RNF220: variants seen among roughly 807,000 people sequenced by gnomAD.
RNF220 encodes ring finger protein 220, also known as E3 ubiquitin-protein ligase RNF220.
Under a neutral mutation model 67.1 loss-of-function variants are expected in RNF220, and 7 were observed. The observed-to-expected ratio is 0.10, with a 90% CI of 0.06 to 0.20. The LOEUF is 0.20. Ranked by LOEUF, RNF220 falls within the 10% of genes least tolerant of loss-of-function variation. The pLI is 1.00. For missense variants in RNF220, 565 were observed against 740.3 expected (o/e 0.76, Z 2.75); for synonymous variants, 270 against 283.2 (o/e 0.95, Z 0.47).
chr1:44,605,083 G>A (rs270739), intron 2 of RNF220, among the ~76,000 whole-genome samples: 125 of 152,188 alleles, frequency 8.2e-4, no homozygotes, highest in East Asian at 3.1e-3. Flanking sequence ...GGTGGATCAC[G>A]AGGTCAGGAG....
chr1:44,485,231 C>T (rs776670546), intron 2 of RNF220, among the ~76,000 whole-genome samples: 1 of 152,196 alleles, frequency 6.6e-6, no homozygotes, highest in Non-Finnish European at 1.5e-5. Flanking sequence ...TGAAGAGATG[C>T]AAACAGCATT....
rs1021523277 is a variant in RNF220 at position 44,624,100 on chromosome 1, T to G, written c.804+1313T>G. Among the ~76,000 whole-genome samples the G allele has an allele frequency of 6.6e-6, 1 of 152,226 alleles. No individual in the cohort carries two copies. The highest frequency in any genetic ancestry group is 1.5e-5 in the Non-Finnish European group (1 of 68,038). ...AGAGGAGGAGCAGAGCACCTAGCCC[T>G]GCCTTGGGTGGGTATAGGCCTTGGC... On this transcript the variant is annotated intron_variant, in intron 4 of 14. Transcript: ENST00000361799. This position sits in a 1 kb window ranked among gnomAD's most constrained non-coding sequence, Gnocchi z 4.2.
intron 2 of RNF220, among the ~76,000 whole-genome samples, chr1:44,512,960 C>T (rs1231261019): frequency 6.6e-6 from 1 of 152,108 alleles, no homozygotes; most frequent in African/African-American, 2.4e-5. Flanking sequence ...ACCAAGCCAA[C>T]CCACCCAATG....
chr1:44,616,392 A>T (rs955127299), intron 3 of RNF220, among the ~76,000 whole-genome samples: 5 of 152,206 alleles, frequency 3.3e-5, no homozygotes, highest in African/African-American at 1.2e-4. Flanking sequence ...AGTACTTTAC[A>T]TTGCATTAAT....
chr1:44,617,325 C>T (rs1643599265), intron 3 of RNF220, among the ~76,000 whole-genome samples: 1 of 152,310 alleles, frequency 6.6e-6, no homozygotes, highest in African/African-American at 2.4e-5. Flanking sequence ...GGCAGCCGCG[C>T]CCGCGCCCCC....
chr1:44,570,833 G>C (rs1043693930), intron 2 of RNF220, among the ~76,000 whole-genome samples: 4 of 152,156 alleles, frequency 2.6e-5, no homozygotes, highest in Non-Finnish European at 5.9e-5. Flanking sequence ...CAGCACTTTG[G>C]AAGGTCAAGG....
rs1434094437 is a variant in RNF220, at chr1:44,651,437, G to A, written c.*662G>A. 6.5e-6 allele frequency: 1 copy of A among 153,784 alleles called. No individual in the cohort carries two copies. Among genetic ancestry groups the A allele is most frequent in the East Asian group, 1.9e-4 (1 of 5,204 alleles). The allele number at this position is 153,784 out of a possible 1,614,324, so 9.5% of individuals were successfully genotyped here. ...GGACATGATCCTCTCCTTAGTCTTA[G>A]CTCATGGGGCTCTTTATAAGGAGTT... On this transcript the variant is annotated 3_prime_UTR_variant, in exon 15 of 15. Transcript: ENST00000361799.
chr1:44,413,967 A>G (rs1363744734), intron 2 of RNF220, among the ~76,000 whole-genome samples: 1 of 152,250 alleles, frequency 6.6e-6, no homozygotes, highest in Non-Finnish European at 1.5e-5. Flanking sequence ...AAGTCATCAT[A>G]AAATCAACCT....
At chr1:44,625,714 T>A (rs1643917980) in intron 4 of RNF220, among the ~76,000 whole-genome samples, 1 of 152,036 alleles carries the variant, frequency 6.6e-6, no homozygotes. Context: ...GCAGACAGTT[T>A]ATTAATCTAA....
intron 2 of RNF220, among the ~76,000 whole-genome samples, chr1:44,425,264 C>G (rs1649642063): frequency 6.6e-6 from 1 of 152,112 alleles, no homozygotes; most frequent in South Asian, 2.1e-4. Flanking sequence ...ACATAATTCC[C>G]CCTTTAAAAA....
Position 44,552,563 on chromosome 1 carries a change from C to CTTTTTTTTTTTTTTTTTTTTTTTTT in RNF220, c.626-61600_626-61599insTTTTTTTTTTTTTTTTTTTTTTTTT, listed in dbSNP as rs368891059. 2.8e-5 allele frequency among the ~76,000 whole-genome samples: 2 copies of CTTTTTTTTTTTTTTTTTTTTTTTTT among 71,330 alleles called. 1 individual carries two copies. The highest frequency in any genetic ancestry group is 9.9e-5 in the African/African-American group (2 of 20,168). 46.8% of individuals were successfully genotyped at this position (71,330 alleles called of 152,430 possible). ...AATGGCTCCCTGCTATTCTAAACTT[C>CTTTTTTTTTTTTTTTTTTTTTTTTT]TTCTTTTTTTTTTTTTTTTTTTTTT... On this transcript the variant is annotated intron_variant, in intron 2 of 14. Coordinates refer to ENST00000361799, the MANE Select transcript of RNF220 (RefSeq NM_018150.4).
intron 2 of RNF220, among the ~76,000 whole-genome samples, chr1:44,569,155 T>C (rs1026573842): frequency 1.3e-5 from 2 of 152,098 alleles, no homozygotes; most frequent in Non-Finnish European, 2.9e-5. Flanking sequence ...GCAAATGCAC[T>C]GTCTCCCCAA....
At chr1:44,493,775 GAC>G (rs1657068754) in intron 2 of RNF220, among the ~76,000 whole-genome samples, 1 of 151,992 alleles carries the variant, frequency 6.6e-6, no homozygotes, top group Non-Finnish European at 1.5e-5. Context: ...AGGAGTTTGA[GAC>G]CAGCCTGGGC....
At chr1:44,482,103 C>T (rs1655872909) in intron 2 of RNF220, among the ~76,000 whole-genome samples, 2 of 152,164 alleles carry the variant, frequency 1.3e-5, no homozygotes, top group Non-Finnish European at 2.9e-5. Flanking sequence ...TCCCATTTTA[C>T]AGACAAGAAA....
intron 2 of RNF220, among the ~76,000 whole-genome samples, chr1:44,577,034 G>A (rs1003943065): frequency 6.6e-6 from 1 of 152,112 alleles, no homozygotes; most frequent in Non-Finnish European, 1.5e-5. Flanking sequence ...GTATATCCAA[G>A]GTCTTGTTAG....
chr1:44,582,680 C>T (rs1665388405), intron 2 of RNF220, among the ~76,000 whole-genome samples: 1 of 150,866 alleles, frequency 6.6e-6, no homozygotes, highest in Admixed American at 6.6e-5. Flanking sequence ...TTGATTGAAT[C>T]CGGAAGGCGG....
intron 2 of RNF220, among the ~76,000 whole-genome samples, chr1:44,567,392 A>G (rs570481595): frequency 6.6e-6 from 1 of 152,142 alleles, no homozygotes; most frequent in Admixed American, 6.5e-5. Flanking sequence ...AGTTGGCCAC[A>G]TAGCCCCCGC....
At chr1:44,420,482 T>C (rs1271365071) in intron 2 of RNF220, among the ~76,000 whole-genome samples, 2 of 152,256 alleles carry the variant, frequency 1.3e-5, no homozygotes, top group Non-Finnish European at 2.9e-5. Flanking sequence ...AGGTGCCAGC[T>C]AATCCTATAT....
At position 44,412,742 on chromosome 1, in the gene RNF220, C is replaced by A; in HGVS notation, c.625+20C>A. 1 of 1,600,456 alleles carries A rather than the reference C, an allele frequency of 6.2e-7. No individual in the cohort carries two copies. Among genetic ancestry groups the A allele is most frequent in the South Asian group, 1.1e-5 (1 of 88,940 alleles). ...ACAGATGTAAGTACTTTGGTTCCAGCCCTCCCTTACCCCCAGTAAGCCCTG... is the reference window on the plus strand; with the variant it reads ...ACAGATGTAAGTACTTTGGTTCCAGACCTCCCTTACCCCCAGTAAGCCCTG... On this transcript the variant is annotated intron_variant, in intron 2 of 14. Transcript: ENST00000361799. The surrounding 1 kb of genome is among the most constrained non-coding windows in gnomAD (Gnocchi z 5.3).
Sources: gnomAD v4.1 joint callset for allele counts (sites outside exome capture counted in the v4.1 genomes callset) on GRCh38, gnomAD v4.1.1 for gene constraint, Gnocchi (gnomAD v3.1) non-coding constraint, MANE v1.5 for transcripts, NCBI Gene and HGNC (gene_info 2026-07-23, HGNC 2026-07-21) for gene names.